The following EPN1 variants were observed in gnomAD, a reference collection of about 807,000 sequenced individuals.
The protein encoded by EPN1 is epsin-1.
Under a neutral mutation model 56.9 loss-of-function variants are expected in EPN1, and 25 were observed. The observed-to-expected ratio is 0.44, with a 90% confidence interval of 0.32 to 0.61. The LOEUF (loss-of-function observed/expected upper bound fraction) is 0.61. Ranked by LOEUF, EPN1 falls within the 20% of genes least tolerant of loss-of-function variation. The pLI, the probability that EPN1 is intolerant of heterozygous loss-of-function variation, is 0.05. For synonymous variants in EPN1, 411 were observed against 361.8 expected (o/e 1.14, Z -1.54); for missense variants, 785 against 823.7 (o/e 0.95, Z 0.58).
rs377406414 is a variant in EPN1 at position 55,708,951 on chromosome 19, C to A, written c.*13595C>A. 6 of 1,578,794 alleles carry A rather than the reference C, an allele frequency of 3.8e-6. 1 individual carries two copies. The African/African-American group carries it at 6.9e-5, about 18-fold the overall frequency. On this transcript the variant is annotated 3_prime_UTR_variant, in exon 11 of 11. Transcript: ENST00000270460. The stretch of plus-strand genomic sequence containing the variant: ...CCCTGATCTTGTATTCCTCGTCAAT[C>A]CAAGGTCCATGTGAAATGGTCAGAT...
Position 55,708,020 on chromosome 19 carries a change from A to G in EPN1, c.*12664A>G, listed in dbSNP as rs928861306. The G allele has an allele frequency of 2.6e-5, 4 of 152,466 alleles. No homozygotes were observed. The highest frequency in any genetic ancestry group is 1.5e-5 in the Non-Finnish European group (1 of 68,198). The allele number at this position is 152,466 out of a possible 1,614,324, so 9.4% of individuals were successfully genotyped here. A position where few individuals can be genotyped will look rare whatever the true frequency, so the allele number is the denominator to read the frequency against. ...TGGGCAAAAAAGTTCATAATTGCTT[A>G]AACATATGGAAAACCTGGAAGTAAA... On this transcript the variant is annotated 3_prime_UTR_variant, in exon 11 of 11. Transcript: ENST00000270460.
At chr19:55,676,952 A>G (rs1369450383) in intron 1 of EPN1, 17 of 564,560 alleles carry the variant, frequency 3.0e-5, no homozygotes, top group African/African-American at 2.8e-4. Flanking sequence ...CCTTCTCTGC[A>G]TTTGTTACAT....
In EPN1 at chr19:55,677,187, T is replaced by C. The variant is rs375637435; in HGVS notation, c.-101-1340T>C. 56 of 1,548,532 alleles carry C rather than the reference T, an allele frequency of 3.6e-5. No individual in the cohort carries two copies. Among genetic ancestry groups the C allele is most frequent in the Non-Finnish European group, 4.8e-5 (55 of 1,144,250 alleles). On this transcript the variant is annotated intron_variant, in intron 1 of 10. Transcript: ENST00000270460. ...AGCCGCATAGATGGGTGATCAGAGC[T>C]GGCTCTGGAACCAGGCTGCTCCAGG...
rs1987053361 is a variant in EPN1, at chr19:55,699,709, G to A, written c.*4353G>A. On this transcript the variant is annotated 3_prime_UTR_variant, in exon 11 of 11. Coordinates refer to ENST00000270460, the MANE Select transcript of EPN1 (RefSeq NM_001130072.2). ...GTGTGCTGACCCCCGGTGATTGCTTGTATGTGGCAGGGGTCTAAGGCCTGC... is the reference window on the plus strand; with the variant it reads ...GTGTGCTGACCCCCGGTGATTGCTTATATGTGGCAGGGGTCTAAGGCCTGC... The A allele has an allele frequency of 6.6e-6, 1 of 152,172 alleles. No individual in the cohort carries two copies. Among genetic ancestry groups the A allele is most frequent in the Admixed American group, 6.5e-5 (1 of 15,290 alleles). The allele number at this position is 152,172 out of a possible 1,614,324, so 9.4% of individuals were successfully genotyped here.
At position 55,685,335 on chromosome 19, in the gene EPN1, G is replaced by T; in HGVS notation, c.229-61G>T. 12 of 1,565,432 alleles carry T rather than the reference G, an allele frequency of 7.7e-6. No homozygotes were observed. The South Asian group carries it at 1.4e-4, about 18-fold the overall frequency. On this transcript the variant is annotated intron_variant, in intron 2 of 10. Transcript: ENST00000270460. ...GGCCGCCCCAGAGCCCGCGTCGCAG[G>T]CAGTCTCTGGCCCGCCTTGTGCCCG...
Position 55,689,836 on chromosome 19 carries a change from T to C in EPN1, c.679-31T>C. 3 of 1,575,876 alleles carry C rather than the reference T, an allele frequency of 1.9e-6. No homozygotes were observed. The highest frequency in any genetic ancestry group is 1.3e-5 in the African/African-American group (1 of 74,258). ...CATCTGCCCGTGGCTCACGTTCTCA[T>C]GTCTCCCTGGTCGTGCCCGTGCCCC... is the stretch of plus-strand genomic sequence containing the variant. On this transcript the variant is annotated intron_variant, in intron 5 of 10. Coordinates refer to ENST00000270460, the MANE Select transcript of EPN1 (RefSeq NM_001130072.2). The surrounding 1 kb of genome is among the most constrained non-coding windows in gnomAD (Gnocchi z 5.7).
intron 3 of EPN1, among the ~76,000 whole-genome samples, chr19:55,688,196 TGGG>T (rs1466042261): frequency 6.6e-6 from 1 of 151,964 alleles, no homozygotes; most frequent in Non-Finnish European, 1.5e-5. Context: ...CCACAGGCCT[TGGG>T]GGTGGAGAGA....
Position 55,678,736 on chromosome 19 carries a change from A to G in EPN1, c.109A>G (p.Ser37Gly). 1.2e-6 allele frequency: 2 copies of G among 1,614,160 alleles called. No individual in the cohort carries two copies. The highest frequency in any genetic ancestry group is 1.6e-4 in the Middle Eastern group (1 of 6,062). The change falls in exon 2 of 11, where the codon AGC becomes GGC. Residue 37 changes from serine to glycine, a missense_variant. Physicochemically the swap from Ser to Gly is moderately conservative, Grantham distance 56 (BLOSUM62 0). Coordinates refer to ENST00000270460, the MANE Select transcript of EPN1 (RefSeq NM_001130072.2). ...ATSNDPWGPS[S>G]SLMSEIADLT... The stretch of plus-strand genomic sequence containing the variant: ...GAGCAATGACCCCTGGGGCCCATCC[A>G]GCTCCCTCATGTCAGAGATTGCCGA...
At chr19:55,693,189 C>T in intron 9 of EPN1, 152 bp downstream of exon 9, 3 of 588,034 alleles carry the variant, frequency 5.1e-6, no homozygotes, top group African/African-American at 1.9e-5. Context: ...CCAGAACCAT[C>T]CACCTGTCTT....
intron 2 of EPN1, among the ~76,000 whole-genome samples, chr19:55,682,641 C>G (rs756509116): frequency 1.2e-4 from 18 of 152,010 alleles, no homozygotes; most frequent in Non-Finnish European, 7.4e-5. Flanking sequence ...CCATGTCACC[C>G]ACGATGGTCT....
In EPN1 at chr19:55,691,825, C is replaced by T. The variant is rs756522834; in HGVS notation, c.834C>T (p.Gly278=). The change falls in exon 7 of 11, where the codon GGC becomes GGT. Residue 278 remains glycine (G), a synonymous_variant. Coordinates refer to ENST00000270460, the MANE Select transcript of EPN1 (RefSeq NM_001130072.2). This position sits in a 1 kb window ranked among gnomAD's most constrained non-coding sequence, Gnocchi z 5.6. ...APAPTTDPWG[G]PAPMAAAVPT... is the part of the protein sequence containing the mutation. ...CCCCGACCACAGACCCCTGGGGGGG[C>T]CCAGCACCCATGGCTGCTGCCGTCC... The T allele has an allele frequency of 3.1e-5, 50 of 1,609,554 alleles. No homozygotes were observed. The highest frequency in any genetic ancestry group is 4.2e-5 in the Non-Finnish European group (49 of 1,177,368).
chr19:55,678,956 A>G (rs1175448121), intron 2 of EPN1, 101 bp downstream of exon 2: 4 of 761,870 alleles, frequency 5.3e-6, no homozygotes, highest in African/African-American at 1.8e-5. Context: ...CCGGTTCTCA[A>G]GAGGAACTGG....
At chr19:55,677,934 G>T (rs1410199968) in intron 1 of EPN1, among the ~76,000 whole-genome samples, 1 of 152,234 alleles carries the variant, frequency 6.6e-6, no homozygotes, top group East Asian at 1.9e-4. Context: ...GCCACATGCA[G>T]ACAGACATGT....
intron 3 of EPN1, among the ~76,000 whole-genome samples, chr19:55,688,424 T>C (rs1220778604): frequency 6.6e-6 from 1 of 152,106 alleles, no homozygotes; most frequent in African/African-American, 2.4e-5. Flanking sequence ...ATGGATGCTG[T>C]TCTCCCCTCT....
Position 55,701,609 on chromosome 19 carries a change from CCT to C in EPN1, c.*6254_*6255del, listed in dbSNP as rs1491577335. ...GAGCTGACATTAATGAGAACTTCTC[CCT>C]GTTAGACCCTTAAAATACTGAGCTT... On this transcript the variant is annotated 3_prime_UTR_variant, in exon 11 of 11. Transcript: ENST00000270460. 2 of 152,076 alleles carry C rather than the reference CCT, an allele frequency of 1.3e-5. No individual in the cohort carries two copies. The highest frequency in any genetic ancestry group is 6.6e-5 in the Admixed American group (1 of 15,248). The allele number at this position is 152,076 out of a possible 1,614,324, so 9.4% of individuals were successfully genotyped here. A position where few individuals can be genotyped will look rare whatever the true frequency, so the allele number is the denominator to read the frequency against.
rs1284979457 is a variant in EPN1, at chr19:55,689,396, C to T, written c.678+25C>T. The T allele has an allele frequency of 3.3e-6, 5 of 1,535,940 alleles. No individual in the cohort carries two copies. Among genetic ancestry groups the T allele is most frequent in the Non-Finnish European group, 3.5e-6 (4 of 1,132,936 alleles). Reference sequence around the variant, plus strand: ...GGTCAGAGCAGCCTCCCTGTCCCTGCCCCTGCCAGGGGCTCCCCTCAGACC... The same window carrying T: ...GGTCAGAGCAGCCTCCCTGTCCCTGTCCCTGCCAGGGGCTCCCCTCAGACC... On this transcript the variant is annotated intron_variant, in intron 5 of 10. Coordinates refer to ENST00000270460, the MANE Select transcript of EPN1 (RefSeq NM_001130072.2). The surrounding 1 kb of genome is among the most constrained non-coding windows in gnomAD (Gnocchi z 5.7).
chr19:55,675,747 G>C (rs1451338874), intron 1 of EPN1, among the ~76,000 whole-genome samples: 1 of 152,090 alleles, frequency 6.6e-6, no homozygotes, highest in East Asian at 1.9e-4. Context: ...TCTGTCTGTC[G>C]TGTCTGTGTC....
chr19:55,688,615 C>G (rs539494804), intron 3 of EPN1, among the ~76,000 whole-genome samples: 2 of 152,302 alleles, frequency 1.3e-5, no homozygotes, highest in Admixed American at 6.5e-5. Flanking sequence ...GCTTATCAGA[C>G]TGACTTTTGC....
Position 55,689,074 on chromosome 19 carries a change from G to A in EPN1, c.603+80G>A. The A allele has an allele frequency of 6.8e-7, 1 of 1,470,680 alleles. No individual in the cohort carries two copies. Among genetic ancestry groups the A allele is most frequent in the Non-Finnish European group, 9.0e-7 (1 of 1,107,230 alleles). 91.1% of individuals were successfully genotyped at this position (1,470,680 alleles called of 1,614,324 possible). A position where few individuals can be genotyped will look rare whatever the true frequency, so the allele number is the denominator to read the frequency against. Reference sequence around the variant, plus strand: ...TCAGGCTCCCTCCCAGCCAGGCGTGGGCCTGGCCCTCACTGTCGCTGCTCC... The same window carrying A: ...TCAGGCTCCCTCCCAGCCAGGCGTGAGCCTGGCCCTCACTGTCGCTGCTCC... On this transcript the variant is annotated intron_variant, in intron 4 of 10. Coordinates refer to ENST00000270460, the MANE Select transcript of EPN1 (RefSeq NM_001130072.2). The surrounding 1 kb of genome is among the most constrained non-coding windows in gnomAD (Gnocchi z 5.7).
Sources: gnomAD v4.1 joint callset for allele counts (sites outside exome capture counted in the v4.1 genomes callset) on GRCh38, gnomAD v4.1.1 for gene constraint, Gnocchi (gnomAD v3.1) non-coding constraint, MANE v1.5 for transcripts, NCBI Gene and HGNC (gene_info 2026-07-23, HGNC 2026-07-21) for gene names.